The following YTHDC1 variants were observed in gnomAD, a reference collection of about 807,000 sequenced individuals.
The protein encoded by YTHDC1 is YTH N6-methyladenosine RNA binding protein C1.
Under a neutral mutation model 107.0 loss-of-function variants are expected in YTHDC1, and 12 were observed. That is an observed-to-expected ratio of 0.11 (90% CI 0.07 to 0.18). YTHDC1 has a LOEUF of 0.18. YTHDC1 is among the 10% of genes least tolerant of loss of function. The pLI is 1.00. For synonymous variants in YTHDC1, 280 were observed against 289.5 expected (o/e 0.97, Z 0.33); for missense variants, 635 against 898.8 (o/e 0.71, Z 3.75).
intron 4 of YTHDC1, among the ~76,000 whole-genome samples, chr4:68,333,840 A>G (rs952760247): frequency 1.3e-5 from 2 of 152,170 alleles, no homozygotes; most frequent in Admixed American, 1.3e-4. Flanking sequence ...AAGAGATCTG[A>G]TGAACCCCTG....
At chr4:68,325,492 A>T (rs1215237832) in intron 9 of YTHDC1, among the ~76,000 whole-genome samples, 1 of 152,188 alleles carries the variant, frequency 6.6e-6, no homozygotes, top group Admixed American at 6.5e-5. Flanking sequence ...TGCCCAGTGA[A>T]CATGCCACAT....
intron 4 of YTHDC1, 105 bp from the exon 5 acceptor site, chr4:68,333,502 A>C: frequency 2.7e-6 from 2 of 740,136 alleles, no homozygotes. Context: ...TAGCCCTTCT[A>C]TTAGTCTGTG....
In YTHDC1 at chr4:68,330,462, A is replaced by T. The variant is rs1472224440; in HGVS notation, c.1123-152T>A. The stretch of plus-strand genomic sequence containing the variant: ...GTTTTATTTATCAGCTGTCAGAATA[A>T]CGTAGTAATAATTTATAAAAACCTA... On this transcript the variant is annotated intron_variant, in intron 7 of 16. Transcript: ENST00000344157. The T allele has an allele frequency of 9.9e-6, 5 of 503,788 alleles. No homozygotes were observed. In the Admixed American group the frequency reaches 1.5e-4, roughly 15 times the overall value. The allele number at this position is 503,788 out of a possible 1,614,324, so 31.2% of individuals were successfully genotyped here.
At chr4:68,327,151 G>A (rs1723079719) in intron 9 of YTHDC1, among the ~76,000 whole-genome samples, 1 of 151,878 alleles carries the variant, frequency 6.6e-6, no homozygotes, top group Admixed American at 6.6e-5. Flanking sequence ...CAGAAGAATC[G>A]CTTGAACCCG....
At chr4:68,332,536 T>A (rs1161366511) in intron 6 of YTHDC1, among the ~76,000 whole-genome samples, 1 of 151,710 alleles carries the variant, frequency 6.6e-6, no homozygotes, top group East Asian at 1.9e-4. Flanking sequence ...CACATCTATA[T>A]ATAACACATA....
At chr4:68,314,678 T>C (rs919335527) in intron 16 of YTHDC1, among the ~76,000 whole-genome samples, 2 of 152,224 alleles carry the variant, frequency 1.3e-5, no homozygotes, top group Non-Finnish European at 2.9e-5. Flanking sequence ...CTATTATCCA[T>C]ATATACTGCC....
chr4:68,332,872 T>A (rs1723746981), intron 5 of YTHDC1, 25 bp from the exon 6 acceptor site: 1 of 1,605,534 alleles, frequency 6.2e-7, no homozygotes, highest in Non-Finnish European at 8.5e-7. Flanking sequence ...AGTACATTTG[T>A]TCAGATTGAG....
chr4:68,322,547 A>T lies in YTHDC1; in HGVS notation c.1601+202T>A. 2 of 577,392 alleles carry T rather than the reference A, an allele frequency of 3.5e-6. No homozygotes were observed. The highest frequency in any genetic ancestry group is 5.9e-6 in the Non-Finnish European group (2 of 336,876). 35.8% of individuals were successfully genotyped at this position (577,392 alleles called of 1,614,324 possible). A position where few individuals can be genotyped will look rare whatever the true frequency, so the allele number is the denominator to read the frequency against. On this transcript the variant is annotated intron_variant, in intron 11 of 16. Coordinates refer to ENST00000344157, the MANE Select transcript of YTHDC1 (RefSeq NM_001031732.4). This position sits in a 1 kb window ranked among gnomAD's most constrained non-coding sequence, Gnocchi z 4.8. ...TATACTTTTTTCTGCATAAGGAAAG[A>T]TCCCCATTTTCCTCTTGAAAAATGA... is the stretch of plus-strand genomic sequence containing the variant.
chr4:68,330,128 A>G lies in YTHDC1; in HGVS notation c.1232-9T>C, dbSNP rs761305087. The G allele has an allele frequency of 1.2e-6, 2 of 1,604,046 alleles. No individual in the cohort carries two copies. Among genetic ancestry groups the G allele is most frequent in the East Asian group, 4.5e-5 (2 of 44,758 alleles). ...AGAAAGTCTTGCAAACCCTAAGAGAATCATATCATAATATAATATGTAGAT... is the reference window on the plus strand; with the variant it reads ...AGAAAGTCTTGCAAACCCTAAGAGAGTCATATCATAATATAATATGTAGAT... On this transcript the variant is annotated splice_polypyrimidine_tract_variant and intron_variant, in intron 8 of 16. Coordinates refer to ENST00000344157, the MANE Select transcript of YTHDC1 (RefSeq NM_001031732.4).
chr4:68,339,733 A>C (rs751856550), intron 1 of YTHDC1, among the ~76,000 whole-genome samples: 9 of 152,188 alleles, frequency 5.9e-5, no homozygotes, highest in Non-Finnish European at 1.2e-4. Flanking sequence ...AATTATGTCA[A>C]ACTGCAAGTT....
chr4:68,314,386 G>T, intron 16 of YTHDC1, 63 bp from the exon 17 acceptor site: 1 of 1,386,988 alleles, frequency 7.2e-7, no homozygotes, highest in Non-Finnish European at 9.6e-7. Flanking sequence ...GTGGATCCCT[G>T]ATTTGAAAAA....
At position 68,312,008 on chromosome 4, in the gene YTHDC1, G is replaced by C. The variant is rs981218972; in HGVS notation, c.*2091C>G. On this transcript the variant is annotated 3_prime_UTR_variant, in exon 17 of 17. Transcript: ENST00000344157. ...CTAAAATTACAAAAATTAGCGGGGTGTGGTGGTGGGTGCCTGTAGTCCCAG... is the reference window on the plus strand; with the variant it reads ...CTAAAATTACAAAAATTAGCGGGGTCTGGTGGTGGGTGCCTGTAGTCCCAG... The C allele has an allele frequency of 2.0e-5, 3 of 152,184 alleles. No individual in the cohort carries two copies. The highest frequency in any genetic ancestry group is 2.4e-5 in the African/African-American group (1 of 41,432). 9.4% of individuals were successfully genotyped at this position (152,184 alleles called of 1,614,324 possible). A position where few individuals can be genotyped will look rare whatever the true frequency, so the allele number is the denominator to read the frequency against.
At chr4:68,319,946 C>T (rs1415436673) in intron 12 of YTHDC1, among the ~76,000 whole-genome samples, 177 bp downstream of exon 12, 1 of 151,948 alleles carries the variant, frequency 6.6e-6, no homozygotes, top group African/African-American at 2.4e-5. Context: ...ACAACCTTAA[C>T]GAAGTTAAGG....
intron 9 of YTHDC1, among the ~76,000 whole-genome samples, chr4:68,328,092 G>C (rs957192898): frequency 6.6e-6 from 1 of 151,940 alleles, no homozygotes; most frequent in Admixed American, 6.6e-5. Context: ...TCAATGAAGA[G>C]GAATATGAAG....
intron 9 of YTHDC1, among the ~76,000 whole-genome samples, chr4:68,326,251 C>T (rs1200173411): frequency 3.9e-5 from 6 of 152,108 alleles, no homozygotes. Context: ...TTTGGTGGCA[C>T]TGGTTCCAAC....
chr4:68,326,704 C>G (rs1478507446), intron 9 of YTHDC1, among the ~76,000 whole-genome samples: 1 of 151,964 alleles, frequency 6.6e-6, no homozygotes, highest in African/African-American at 2.4e-5. Context: ...GATTCTCATG[C>G]CTCAGCCTCC....
chr4:68,327,204 C>G (rs1341060430), intron 9 of YTHDC1, among the ~76,000 whole-genome samples: 3 of 151,904 alleles, frequency 2.0e-5, no homozygotes, highest in East Asian at 2.0e-4. Context: ...CCATTGCACT[C>G]TAGCCTGGGC....
At chr4:68,323,207 A>C (rs925988541) in intron 10 of YTHDC1, among the ~76,000 whole-genome samples, 3 of 152,236 alleles carry the variant, frequency 2.0e-5, no homozygotes, top group African/African-American at 7.2e-5. Context: ...CTTTGTGCAA[A>C]ATAGAAAAAT....
chr4:68,320,743 G>C (rs1471090919), intron 11 of YTHDC1, among the ~76,000 whole-genome samples: 3 of 151,980 alleles, frequency 2.0e-5, no homozygotes, highest in African/African-American at 7.2e-5. Flanking sequence ...TGATCATACA[G>C]AAAATTTGAT....
Sources: allele counts gnomAD v4.1 joint callset (sites outside exome capture counted in the v4.1 genomes callset), GRCh38; gene constraint gnomAD v4.1.1; non-coding constraint Gnocchi (gnomAD v3.1); transcripts MANE v1.5; gene names NCBI Gene and HGNC (gene_info 2026-07-23, HGNC 2026-07-21).